The following CALN1 variants were observed in gnomAD, a reference collection of about 807,000 sequenced individuals.
CALN1 encodes the protein calcium-binding protein 8.
A neutral mutation model predicts 30.6 loss-of-function variants in CALN1; 17 were observed. That is an observed-to-expected ratio of 0.56 (90% CI 0.38 to 0.83). The LOEUF is 0.83. Ranked by LOEUF, CALN1 falls within the 40% of genes least tolerant of loss-of-function variation. The pLI is 0.00. For missense variants in CALN1, 291 were observed against 354.9 expected (o/e 0.82, Z 1.45); for synonymous variants, 156 against 131.4 (o/e 1.19, Z -1.28).
rs1355937009 is a variant in CALN1, at chr7:71,790,301, GAGAAAGAAAGAAGAA to G, written c.659-2414_659-2400del. On this transcript the variant is annotated intron_variant, in intron 6 of 6. Coordinates refer to ENST00000395275, the MANE Select transcript of CALN1 (RefSeq NM_031468.4). ...GCAAGAAAGAAACGAAGGAAGGAAG[GAGAAAGAAAGAAGAA>G]AGAAAGAAAGAAGGAAAGAAAGAAA... Among the ~76,000 whole-genome samples, 61 of 136,212 alleles carry G rather than the reference GAGAAAGAAAGAAGAA, an allele frequency of 4.5e-4. No individual in the cohort carries two copies. The East Asian group carries it at 0.012, about 28-fold the overall frequency. 89.4% of individuals were successfully genotyped at this position (136,212 alleles called of 152,430 possible). A position where few individuals can be genotyped will look rare whatever the true frequency, so the allele number is the denominator to read the frequency against.
chr7:72,199,997 C>CCT (rs1266341861), intron 3 of CALN1, among the ~76,000 whole-genome samples: 1 of 152,148 alleles, frequency 6.6e-6, no homozygotes, highest in African/African-American at 2.4e-5. Flanking sequence ...TCTCAAGCGA[C>CCT]CTCTACTATG....
chr7:72,133,756 T>C (rs73371774), intron 3 of CALN1, among the ~76,000 whole-genome samples: 1,853 of 152,310 alleles, frequency 0.012, 31 homozygotes, highest in African/African-American at 0.04. Flanking sequence ...TATCACCTGA[T>C]TAGGTTCCAG....
intron 3 of CALN1, 113 bp from the exon 4 acceptor site, chr7:72,106,407 T>C: frequency 8.1e-7 from 1 of 1,240,926 alleles, no homozygotes; most frequent in Non-Finnish European, 1.1e-6. Flanking sequence ...CAGTGATTTG[T>C]TAAAACTCTT....
chr7:72,122,197 A>G (rs912197229), intron 3 of CALN1, among the ~76,000 whole-genome samples: 2 of 152,166 alleles, frequency 1.3e-5, no homozygotes, highest in Non-Finnish European at 2.9e-5. Flanking sequence ...GCAATAATCA[A>G]TACAGTTAAT....
rs2129536891 is a variant in CALN1 at position 72,059,933 on chromosome 7, GAAGT to G, written c.389-36168_389-36165del. 2.0e-5 allele frequency among the ~76,000 whole-genome samples: 3 copies of G among 150,506 alleles called. No individual in the cohort carries two copies. In the East Asian group the frequency reaches 6.0e-4, roughly 30 times the overall value. ...TGGAACAGCTATTTGGGGATTCTGA[GAAGT>G]AAGTTGTAGTAGCAGGTGATTTGGA... On this transcript the variant is annotated intron_variant, in intron 4 of 6. Transcript: ENST00000395275.
intron 4 of CALN1, among the ~76,000 whole-genome samples, chr7:72,078,392 T>C (rs1416653454): frequency 6.6e-6 from 1 of 152,084 alleles, no homozygotes; most frequent in Non-Finnish European, 1.5e-5. Context: ...TCTTGGGTAG[T>C]TGGGAGTCTT....
chr7:72,300,391 C>T (rs17673971), intron 2 of CALN1, among the ~76,000 whole-genome samples: 46,780 of 150,786 alleles, frequency 0.31, 7,792 homozygotes, highest in Non-Finnish European at 0.37. Context: ...AAAGGCACTG[C>T]GTTGTATTTT....
chr7:71,956,642 T>G (rs1345327268), intron 5 of CALN1, among the ~76,000 whole-genome samples: 2 of 151,744 alleles, frequency 1.3e-5, no homozygotes, highest in Non-Finnish European at 2.9e-5. Flanking sequence ...AAGTTTTGAT[T>G]GTATGTAGCA....
intron 4 of CALN1, among the ~76,000 whole-genome samples, chr7:72,097,664 AT>A (rs1312139415): frequency 5.6e-4 from 81 of 144,258 alleles, no homozygotes; most frequent in Non-Finnish European, 1.1e-3. Context: ...AAAAAAAAAA[AT>A]TAAACAGAAT....
rs371452559 is a variant in CALN1 at position 72,156,223 on chromosome 7, C to CAA, written c.245-49931_245-49930dup. On this transcript the variant is annotated intron_variant, in intron 3 of 6. Coordinates refer to ENST00000395275, the MANE Select transcript of CALN1 (RefSeq NM_031468.4). The stretch of plus-strand genomic sequence containing the variant: ...CCAGCAATGGACTTCCATGTTTAAG[C>CAA]AAAAAAATGGCATGGGCTTACCAAA... Among the ~76,000 whole-genome samples, 178 of 151,906 alleles carry CAA rather than the reference C, an allele frequency of 1.2e-3. 1 individual carries two copies. Among genetic ancestry groups the CAA allele is most frequent in the African/African-American group, 4.1e-3 (170 of 41,446 alleles).
At position 72,209,876 on chromosome 7, in the gene CALN1, C is replaced by T. The variant is rs58637526; in HGVS notation, c.244+68810G>A. Among the ~76,000 whole-genome samples the T allele has an allele frequency of 3.7e-3, 562 of 152,260 alleles. 2 individuals carry two copies. Among genetic ancestry groups the T allele is most frequent in the African/African-American group, 0.013 (527 of 41,558 alleles). On this transcript the variant is annotated intron_variant, in intron 3 of 6. Transcript: ENST00000395275. ...GTTTCTTGACCTAGGGGCTGGTTAT[C>T]CCACTTGGTGAAAATTGTCTGAGCT...
intron 3 of CALN1, among the ~76,000 whole-genome samples, chr7:72,120,212 TG>T (rs1808282850): frequency 6.6e-6 from 1 of 152,214 alleles, no homozygotes; most frequent in Non-Finnish European, 1.5e-5. Flanking sequence ...TATATTTCAC[TG>T]GTCTGCAATA....
At chr7:71,942,663 G>A (rs1048207770) in intron 5 of CALN1, among the ~76,000 whole-genome samples, 3 of 152,146 alleles carry the variant, frequency 2.0e-5, no homozygotes, top group East Asian at 3.9e-4. Context: ...GCTCTGTGGC[G>A]ATCCATCAAC....
At chr7:71,965,998 A>G (rs1163717776) in intron 5 of CALN1, among the ~76,000 whole-genome samples, 1 of 151,588 alleles carries the variant, frequency 6.6e-6, no homozygotes, top group Non-Finnish European at 1.5e-5. Context: ...AAGTACTACC[A>G]GGGAGTATAA....
At chr7:72,068,781 G>A (rs1804197924) in intron 4 of CALN1, among the ~76,000 whole-genome samples, 1 of 152,142 alleles carries the variant, frequency 6.6e-6, no homozygotes, top group Non-Finnish European at 1.5e-5. Context: ...ATGAGCCACC[G>A]CACTGGGCCG....
At chr7:72,426,752 A>C (rs1483443723) in intron 1 of CALN1, among the ~76,000 whole-genome samples, 1 of 152,196 alleles carries the variant, frequency 6.6e-6, no homozygotes, top group Non-Finnish European at 1.5e-5. Context: ...GTGGTCTCTT[A>C]GGAAGCACTT....
chr7:72,378,238 G>C (rs1804681010), intron 2 of CALN1, among the ~76,000 whole-genome samples: 1 of 152,032 alleles, frequency 6.6e-6, no homozygotes, highest in Admixed American at 6.6e-5. Flanking sequence ...ATTTTTTTGT[G>C]AATGAGGTTT....
intron 4 of CALN1, among the ~76,000 whole-genome samples, chr7:72,066,315 G>A (rs1432510048): frequency 6.6e-6 from 1 of 152,198 alleles, no homozygotes; most frequent in Admixed American, 6.5e-5. Flanking sequence ...GTTACTGGGA[G>A]TCTTCCTTTG....
chr7:71,791,192 T>G (rs995633502), intron 6 of CALN1, among the ~76,000 whole-genome samples: 3 of 152,196 alleles, frequency 2.0e-5, no homozygotes, highest in Non-Finnish European at 4.4e-5. Context: ...TTTATGGCTG[T>G]GTAGTATTCC....
Sources: gnomAD v4.1 joint callset for allele counts (sites outside exome capture counted in the v4.1 genomes callset) on GRCh38, gnomAD v4.1.1 for gene constraint, MANE v1.5 for transcripts, NCBI Gene and HGNC (gene_info 2026-07-23, HGNC 2026-07-21) for gene names.